The following CTNNA3 variants were observed in gnomAD, a reference collection of about 807,000 sequenced individuals.
CTNNA3 encodes catenin alpha-3.
CTNNA3 carries 76 observed loss-of-function variants against 95.7 expected under a neutral mutation model. That is an observed-to-expected ratio of 0.79 (90% CI 0.66 to 0.96). CTNNA3 has a LOEUF of 0.96. CTNNA3 is among the 40% of genes least tolerant of loss of function. CTNNA3 has a pLI of 0.00. For synonymous variants in CTNNA3, 431 were observed against 374.4 expected (o/e 1.15, Z -1.74); for missense variants, 1,191 against 1,089.8 (o/e 1.09, Z -1.31).
intron 13 of CTNNA3, among the ~76,000 whole-genome samples, chr10:66,146,593 G>C (rs559953146): frequency 1.3e-5 from 2 of 152,026 alleles, no homozygotes; most frequent in Admixed American, 6.6e-5. Flanking sequence ...TTTCACTCTC[G>C]TAACTCAGGC....
intron 15 of CTNNA3, among the ~76,000 whole-genome samples, chr10:66,044,077 C>A: frequency 6.6e-6 from 1 of 151,870 alleles, no homozygotes; most frequent in East Asian, 1.9e-4. Flanking sequence ...CTCACTGCAA[C>A]CTCCCCTCCC....
intron 13 of CTNNA3, among the ~76,000 whole-genome samples, chr10:66,202,558 A>T (rs2087496117): frequency 6.6e-6 from 1 of 152,134 alleles, no homozygotes; most frequent in South Asian, 2.1e-4. Flanking sequence ...TGCTCAATTA[A>T]ACGCTTCTGA....
intron 11 of CTNNA3, among the ~76,000 whole-genome samples, chr10:66,427,079 G>T (rs1476104797): frequency 2.0e-5 from 3 of 151,646 alleles, no homozygotes; most frequent in East Asian, 2.0e-4. Context: ...ATATACTTTT[G>T]TTGATGTTGT....
chr10:66,602,482 T>C (rs1843964411), intron 10 of CTNNA3, among the ~76,000 whole-genome samples: 1 of 151,852 alleles, frequency 6.6e-6, no homozygotes, highest in African/African-American at 2.4e-5. Context: ...TGAAAGCTCA[T>C]ACTAATATTT....
chr10:67,558,204 G>C (rs1271825535), intron 3 of CTNNA3, among the ~76,000 whole-genome samples: 1 of 152,190 alleles, frequency 6.6e-6, no homozygotes, highest in Non-Finnish European at 1.5e-5. Context: ...CCTTGGAAAT[G>C]TATTTTTTAT....
intron 11 of CTNNA3, among the ~76,000 whole-genome samples, chr10:66,438,610 A>C (rs2131777985): frequency 6.6e-6 from 1 of 152,174 alleles, no homozygotes; most frequent in African/African-American, 2.4e-5. Flanking sequence ...GAGAATTTCA[A>C]GCCATGGAGC....
intron 7 of CTNNA3, among the ~76,000 whole-genome samples, chr10:67,111,804 G>A (rs981585183): frequency 4.6e-5 from 7 of 151,984 alleles, no homozygotes; most frequent in Admixed American, 4.6e-4. Context: ...TACATGCAAA[G>A]TATCCATCTA....
intron 6 of CTNNA3, among the ~76,000 whole-genome samples, chr10:67,215,496 A>C (rs914359201): frequency 6.6e-6 from 1 of 152,124 alleles, no homozygotes; most frequent in Non-Finnish European, 1.5e-5. Flanking sequence ...CTTCTGGCAG[A>C]TCTCTGGAGG....
Position 67,604,590 on chromosome 10 carries a change from A to T in CTNNA3, c.292+2267T>A, listed in dbSNP as rs555486059. ...AGTAGAAGGAACAGATCTGAGAGAC[A>T]ACAAGGAGAAAAAATTCATTGAACC... On this transcript the variant is annotated intron_variant, in intron 3 of 17. Coordinates refer to ENST00000433211, the MANE Select transcript of CTNNA3 (RefSeq NM_013266.4). Among the ~76,000 whole-genome samples the T allele has an allele frequency of 5.1e-4, 78 of 152,344 alleles. 1 individual carries two copies. The highest frequency in any genetic ancestry group is 1.6e-3 in the African/African-American group (68 of 41,582).
intron 6 of CTNNA3, among the ~76,000 whole-genome samples, chr10:67,188,901 G>A (rs1589840775): frequency 6.6e-6 from 1 of 152,100 alleles, no homozygotes; most frequent in Non-Finnish European, 1.5e-5. Flanking sequence ...TGGCTGGTTT[G>A]AGTCCAGGAG....
chr10:67,616,940 GAGA>G (rs1843676819), intron 2 of CTNNA3, among the ~76,000 whole-genome samples: 1 of 152,064 alleles, frequency 6.6e-6, no homozygotes, highest in South Asian at 2.1e-4. Flanking sequence ...TGTATAACTG[GAGA>G]AGAAGTCACA....
At chr10:67,392,767 G>A (rs1457231286) in intron 5 of CTNNA3, among the ~76,000 whole-genome samples, 1 of 152,050 alleles carries the variant, frequency 6.6e-6, no homozygotes, top group African/African-American at 2.4e-5. Flanking sequence ...GGACATGGAT[G>A]AAATTGGAAA....
At chr10:65,964,752 C>T (rs1275181697) in intron 17 of CTNNA3, among the ~76,000 whole-genome samples, 4 of 151,882 alleles carry the variant, frequency 2.6e-5, no homozygotes, top group Non-Finnish European at 5.9e-5. Flanking sequence ...GTTTATCCTC[C>T]AAATAAACAT....
rs2092820144 is a variant in CTNNA3 at position 66,379,449 on chromosome 10, T to A, written c.1532-97A>T. The A allele has an allele frequency of 4.0e-6, 4 of 1,002,606 alleles. No individual in the cohort carries two copies. In the African/African-American group the frequency reaches 4.8e-5, roughly 12 times the overall value. 62.1% of individuals were successfully genotyped at this position (1,002,606 alleles called of 1,614,324 possible). Reference sequence around the variant, plus strand: ...AATTATGTTAACTTCTGACTTCAGATAGAGTGCACATTGGAAATGGAAGAC... The same window carrying A: ...AATTATGTTAACTTCTGACTTCAGAAAGAGTGCACATTGGAAATGGAAGAC... On this transcript the variant is annotated intron_variant, in intron 11 of 17. Transcript: ENST00000433211.
At chr10:66,042,916 A>G (rs2079730612) in intron 15 of CTNNA3, among the ~76,000 whole-genome samples, 1 of 144,596 alleles carries the variant, frequency 6.9e-6, no homozygotes, top group African/African-American at 2.5e-5. Flanking sequence ...AAAAAAAAAA[A>G]AAAAAAAAAA....
At chr10:67,327,048 T>C (rs1267386559) in intron 5 of CTNNA3, among the ~76,000 whole-genome samples, 2 of 152,218 alleles carry the variant, frequency 1.3e-5, no homozygotes, top group Non-Finnish European at 2.9e-5. Context: ...TATGAAACTC[T>C]TGTAGTGTGT....
intron 13 of CTNNA3, among the ~76,000 whole-genome samples, chr10:66,272,110 TGA>T (rs748417153): frequency 3.9e-5 from 6 of 152,168 alleles, no homozygotes; most frequent in Non-Finnish European, 7.4e-5. Flanking sequence ...CACTAAGGTT[TGA>T]TTTAAATTTG....
At chr10:66,890,516 A>G (rs1480483412) in intron 7 of CTNNA3, among the ~76,000 whole-genome samples, 1 of 152,140 alleles carries the variant, frequency 6.6e-6, no homozygotes, top group African/African-American at 2.4e-5. Flanking sequence ...GAGATGGGGT[A>G]AGATTAAGGC....
intron 11 of CTNNA3, among the ~76,000 whole-genome samples, chr10:66,395,518 T>TA (rs60587308): frequency 0.16 from 24,606 of 151,754 alleles, 2,728 homozygotes; most frequent in East Asian, 0.45. Flanking sequence ...CAAAGACTAA[T>TA]AAAAAAATAC....
Sources: gnomAD v4.1 joint callset for allele counts (sites outside exome capture counted in the v4.1 genomes callset) on GRCh38, gnomAD v4.1.1 for gene constraint, MANE v1.5 for transcripts, NCBI Gene and HGNC (gene_info 2026-07-23, HGNC 2026-07-21) for gene names.